LRP1B: variants seen among roughly 807,000 people sequenced by gnomAD.
LRP1B encodes the protein low-density lipoprotein receptor-related protein 1B.
Under a neutral mutation model 556.6 loss-of-function variants are expected in LRP1B, and 217 were observed. The ratio of observed to expected loss-of-function variants is 0.39; its 90% CI spans 0.35 to 0.44. The LOEUF is 0.44. Among genes scored for constraint, LRP1B ranks in the 20% least tolerant of loss-of-function variants. LRP1B has a pLI of 1.00. For missense variants in LRP1B, 5,053 were observed against 5,620.8 expected, an observed-to-expected ratio of 0.90 and a Z score of 3.23; for synonymous variants, 2,047 against 1,865.8, an observed-to-expected ratio of 1.10 and a Z score of -2.50.
intron 65 of LRP1B, 43 bp downstream of exon 65, chr2:140,444,287 G>A (rs745592600): frequency 5.6e-6 from 9 of 1,606,694 alleles, no homozygotes; most frequent in Non-Finnish European, 7.7e-6. Context: ...CTTATTTTAG[G>A]AGTCAAAGTT....
At chr2:141,905,894 G>C (rs915715422) in intron 1 of LRP1B, among the ~76,000 whole-genome samples, 1 of 150,098 alleles carries the variant, frequency 6.7e-6, no homozygotes, top group Non-Finnish European at 1.5e-5. Context: ...GACAAGAGAT[G>C]CTTGTGTGTC....
chr2:140,477,612 A>G (rs999738063), intron 59 of LRP1B, among the ~76,000 whole-genome samples: 1 of 152,208 alleles, frequency 6.6e-6, no homozygotes, highest in African/African-American at 2.4e-5. Context: ...AATGTTTCTT[A>G]AGTAAACTAC....
In LRP1B at chr2:140,291,318, A is replaced by ATATATATTTTTTTT. The variant is rs369391920; in HGVS notation, c.12967+6489_12967+6490insAAAAAAAATATATA. Reference sequence around the variant, plus strand: ...TTATTTTATATATATATATATATATATTTTTATTATACTTTAAGTTCTAGG... The same window carrying ATATATATTTTTTTT: ...TTATTTTATATATATATATATATATATATATATTTTTTTTTTTTTATTATACTTTAAGTTCTAGG... On this transcript the variant is annotated intron_variant, in intron 84 of 90. Transcript: ENST00000389484. 4.2e-3 allele frequency among the ~76,000 whole-genome samples: 463 copies of ATATATATTTTTTTT among 109,286 alleles called. 5 individuals are homozygous for ATATATATTTTTTTT. Among genetic ancestry groups the ATATATATTTTTTTT allele is most frequent in the African/African-American group, 0.013 (438 of 33,782 alleles). The allele number at this position is 109,286 out of a possible 152,430, so 71.7% of individuals were successfully genotyped here.
At chr2:140,419,340 C>T (rs1247624631) in intron 66 of LRP1B, among the ~76,000 whole-genome samples, 1 of 152,074 alleles carries the variant, frequency 6.6e-6, no homozygotes, top group African/African-American at 2.4e-5. Flanking sequence ...TAGACTAATA[C>T]CCAGTTATAG....
intron 71 of LRP1B, among the ~76,000 whole-genome samples, chr2:140,368,050 G>A (rs1057438913): frequency 2.0e-5 from 3 of 151,724 alleles, no homozygotes; most frequent in African/African-American, 7.2e-5. Context: ...AAGACTTGAT[G>A]TTGTACTCCA....
At chr2:140,397,039 C>T (rs1684285288) in intron 66 of LRP1B, among the ~76,000 whole-genome samples, 1 of 152,152 alleles carries the variant, frequency 6.6e-6, no homozygotes, top group Non-Finnish European at 1.5e-5. Context: ...CACTGAAATG[C>T]TGTGGGGTAC....
chr2:141,907,316 A>G (rs565297107), intron 1 of LRP1B, among the ~76,000 whole-genome samples: 1 of 152,078 alleles, frequency 6.6e-6, no homozygotes, highest in South Asian at 2.1e-4. Flanking sequence ...TCAATCATTC[A>G]TATGTTTTAC....
intron 47 of LRP1B, 63 bp from the exon 48 acceptor site, chr2:140,526,413 T>C: frequency 9.8e-7 from 1 of 1,019,370 alleles, no homozygotes; most frequent in Non-Finnish European, 1.5e-6. Context: ...GCTTTTACAT[T>C]TTGAATATTT....
At chr2:141,654,848 A>G (rs1167617942) in intron 2 of LRP1B, among the ~76,000 whole-genome samples, 1 of 152,148 alleles carries the variant, frequency 6.6e-6, no homozygotes, top group Non-Finnish European at 1.5e-5. Flanking sequence ...GAAGAGTTTA[A>G]TCAAGTGTCT....
In LRP1B at chr2:140,485,392, T is replaced by C. The variant is rs951687607; in HGVS notation, c.9376A>G (p.Ser3126Gly). 6.2e-7 allele frequency: 1 copy of C among 1,613,272 alleles called. No homozygotes were observed. ...TCTCTGGGAAACTTCAGCCTTTTGCTAACGAGTATAGTAGGGTACAAGCCA... is the reference window on the plus strand; with the variant it reads ...TCTCTGGGAAACTTCAGCCTTTTGCCAACGAGTATAGTAGGGTACAAGCCA... Reference protein sequence around the residue: ...LNGLYPTILVSKRLKFPRDLS... With the variant: ...LNGLYPTILVGKRLKFPRDLS... The change falls in exon 59 of 91, where the codon AGC (serine) becomes GGC (glycine). Residue 3126 changes from serine (S) to glycine (G), a missense_variant. Ser to Gly is a moderately conservative substitution (Grantham distance 56, BLOSUM62 0). Around this residue, in one of 5 missense-constraint regions of LRP1B, gnomAD observed 3,619 missense variants for 3,931.9 expected, o/e 0.92. Transcript: ENST00000389484.
intron 15 of LRP1B, among the ~76,000 whole-genome samples, chr2:140,999,915 T>C (rs1398122367): frequency 6.6e-6 from 1 of 151,896 alleles, no homozygotes; most frequent in Non-Finnish European, 1.5e-5. Flanking sequence ...TTTACTTATG[T>C]ATTTATTTAT....
chr2:140,967,794 T>C (rs903225388), intron 18 of LRP1B, among the ~76,000 whole-genome samples: 1 of 152,168 alleles, frequency 6.6e-6, no homozygotes, highest in South Asian at 2.1e-4. Context: ...TCTATTGAAA[T>C]AATCATGTGT....
At chr2:141,145,693 C>A (rs1701764695) in intron 7 of LRP1B, among the ~76,000 whole-genome samples, 1 of 151,612 alleles carries the variant, frequency 6.6e-6, no homozygotes, top group Non-Finnish European at 1.5e-5. Context: ...ACCACCACGC[C>A]TGGCTAATTT....
At chr2:141,974,389 C>G (rs1044480300) in intron 1 of LRP1B, among the ~76,000 whole-genome samples, 3 of 151,940 alleles carry the variant, frequency 2.0e-5, no homozygotes, top group African/African-American at 7.2e-5. Context: ...ACTGGTTAAA[C>G]ATTTGGTTCA....
At chr2:141,881,711 C>T (rs1281340882) in intron 1 of LRP1B, among the ~76,000 whole-genome samples, 1 of 151,462 alleles carries the variant, frequency 6.6e-6, no homozygotes, top group South Asian at 2.1e-4. Flanking sequence ...CTTTGAAATC[C>T]CCATATAAGC....
At chr2:140,614,796 T>C (rs10164569) in intron 41 of LRP1B, among the ~76,000 whole-genome samples, 34,674 of 152,046 alleles carry the variant, frequency 0.23, 4,253 homozygotes, top group Admixed American at 0.3. Flanking sequence ...CCTAGGGATG[T>C]GGCTTCAAGG....
intron 72 of LRP1B, 147 bp downstream of exon 72, chr2:140,364,514 G>A: frequency 1.1e-6 from 1 of 919,842 alleles, no homozygotes; most frequent in Non-Finnish European, 1.6e-6. Flanking sequence ...TTTATTACCT[G>A]AACAAAAGCT....
At chr2:141,274,477 T>A (rs903446253) in intron 3 of LRP1B, among the ~76,000 whole-genome samples, 1 of 152,166 alleles carries the variant, frequency 6.6e-6, no homozygotes, top group African/African-American at 2.4e-5. Flanking sequence ...TATAATTTCA[T>A]TTATGTGAAT....
chr2:142,077,075 T>C (rs1432068171), intron 1 of LRP1B, among the ~76,000 whole-genome samples: 1 of 152,102 alleles, frequency 6.6e-6, no homozygotes, highest in African/African-American at 2.4e-5. Context: ...CCATTTCTGC[T>C]TCAGAGTCAC....
Sources: allele counts gnomAD v4.1 joint callset (sites outside exome capture counted in the v4.1 genomes callset), GRCh38; gene constraint gnomAD v4.1.1; regional missense constraint gnomAD v4.1.1; transcripts MANE v1.5; gene names NCBI Gene and HGNC (gene_info 2026-07-23, HGNC 2026-07-21).